Variants in THSD7A observed in about 807,000 individuals in gnomAD.
THSD7A encodes the protein thrombospondin type 1 domain containing 7A.
Under a neutral mutation model 231.3 loss-of-function variants are expected in THSD7A, and 96 were observed. The ratio of observed to expected loss-of-function variants is 0.41; its 90% CI spans 0.35 to 0.49. The LOEUF (loss-of-function observed/expected upper bound fraction) is 0.49. THSD7A is among the 20% of genes least tolerant of loss of function. The probability of loss-of-function intolerance (pLI) is 0.05; values close to 1 mark genes in which losing one functional copy is unlikely to be tolerated. For synonymous variants in THSD7A, 940 were observed against 743.3 expected, an observed-to-expected ratio of 1.26 and a Z score of -4.30; for missense variants, 2,290 against 2,070.2, an observed-to-expected ratio of 1.11 and a Z score of -2.06.
intron 22 of THSD7A, 27 bp from the exon 23 acceptor site, chr7:11,401,995 A>G: frequency 3.1e-6 from 5 of 1,592,014 alleles, no homozygotes; most frequent in Non-Finnish European, 4.3e-6. Flanking sequence ...TGTAATTTAC[A>G]CCCATATCCA....
chr7:11,456,459 A>C (rs1321224299), intron 11 of THSD7A, among the ~76,000 whole-genome samples: 1 of 151,994 alleles, frequency 6.6e-6, no homozygotes, highest in East Asian at 1.9e-4. Context: ...TACTTTCATA[A>C]CTATAAAATA....
intron 1 of THSD7A, among the ~76,000 whole-genome samples, chr7:11,758,744 TG>T (rs1782763564): frequency 6.6e-6 from 1 of 152,094 alleles, no homozygotes; most frequent in African/African-American, 2.4e-5. Context: ...ATGGATGATA[TG>T]GCTTAAACTA....
intron 6 of THSD7A, among the ~76,000 whole-genome samples, chr7:11,503,741 A>T (rs940802701): frequency 2.0e-5 from 3 of 152,258 alleles, no homozygotes; most frequent in African/African-American, 7.2e-5. Flanking sequence ...GAGAAATGCA[A>T]ATCAAAGCCA....
intron 6 of THSD7A, among the ~76,000 whole-genome samples, chr7:11,506,081 C>G (rs1195582987): frequency 6.6e-6 from 1 of 152,148 alleles, no homozygotes; most frequent in Non-Finnish European, 1.5e-5. Context: ...ATCCTCAGTA[C>G]ATGCAGATAA....
At chr7:11,577,455 T>C (rs1562737379) in intron 4 of THSD7A, among the ~76,000 whole-genome samples, 1 of 152,060 alleles carries the variant, frequency 6.6e-6, no homozygotes, top group Non-Finnish European at 1.5e-5. Flanking sequence ...TATCTGGGAC[T>C]ACAGGCATGT....
intron 1 of THSD7A, among the ~76,000 whole-genome samples, chr7:11,828,537 T>C (rs1785095994): frequency 6.6e-6 from 1 of 152,322 alleles, no homozygotes; most frequent in African/African-American, 2.4e-5. Context: ...TGTGTACTTA[T>C]AGTGTTGTTT....
At chr7:11,757,350 A>G (rs1222375759) in intron 1 of THSD7A, among the ~76,000 whole-genome samples, 1 of 152,064 alleles carries the variant, frequency 6.6e-6, no homozygotes, top group Non-Finnish European at 1.5e-5. Flanking sequence ...CAGCTTTTCC[A>G]AAACACCAAT....
chr7:11,549,679 A>G (rs917299687), intron 4 of THSD7A, among the ~76,000 whole-genome samples: 3 of 152,198 alleles, frequency 2.0e-5, no homozygotes, highest in African/African-American at 7.2e-5. Context: ...ACACAGGAAA[A>G]GAAAACCAAT....
intron 1 of THSD7A, among the ~76,000 whole-genome samples, chr7:11,705,870 A>T (rs1438681090): frequency 6.6e-6 from 1 of 150,988 alleles, no homozygotes; most frequent in African/African-American, 2.4e-5. Flanking sequence ...AACACCTATC[A>T]CAAAGAAGGC....
intron 1 of THSD7A, among the ~76,000 whole-genome samples, chr7:11,813,495 C>T (rs549247177): frequency 6.6e-5 from 10 of 152,038 alleles, no homozygotes; most frequent in Admixed American, 3.9e-4. Context: ...AGGCGGATCA[C>T]GAGGTCAGGA....
intron 6 of THSD7A, among the ~76,000 whole-genome samples, chr7:11,524,913 T>C (rs1206793435): frequency 1.3e-5 from 2 of 152,266 alleles, no homozygotes; most frequent in Admixed American, 1.3e-4. Flanking sequence ...TGAATTTGGC[T>C]ATATAATTAT....
chr7:11,397,034 A>G (rs1783213069), intron 23 of THSD7A, among the ~76,000 whole-genome samples: 1 of 152,214 alleles, frequency 6.6e-6, no homozygotes, highest in South Asian at 2.1e-4. Flanking sequence ...CAAAAACCAC[A>G]TGATTATCTC....
intron 1 of THSD7A, among the ~76,000 whole-genome samples, chr7:11,811,555 G>A (rs1423947729): frequency 6.6e-6 from 1 of 152,108 alleles, no homozygotes. Context: ...TTCATCATAT[G>A]CCCTAAGATA....
At chr7:11,541,929 G>C (rs1789167658) in intron 5 of THSD7A, among the ~76,000 whole-genome samples, 1 of 113,736 alleles carries the variant, frequency 8.8e-6, no homozygotes, top group Admixed American at 1.2e-4. Flanking sequence ...GGGCGTAGAG[G>C]AGTAGGGTGG....
chr7:11,539,195 G>A (rs1360724149), intron 6 of THSD7A, among the ~76,000 whole-genome samples: 1 of 152,092 alleles, frequency 6.6e-6, no homozygotes, highest in Non-Finnish European at 1.5e-5. Context: ...GATAATATGG[G>A]AGCAGTAGTT....
chr7:11,702,699 C>T lies in THSD7A; in HGVS notation c.191-65738G>A, dbSNP rs1456698537. 2.0e-5 allele frequency among the ~76,000 whole-genome samples: 3 copies of T among 151,134 alleles called. No individual in the cohort carries two copies. In the East Asian group the frequency reaches 5.9e-4, roughly 30 times the overall value. On this transcript the variant is annotated intron_variant, in intron 1 of 27. Coordinates refer to ENST00000423059, the MANE Select transcript of THSD7A (RefSeq NM_015204.3). The stretch of plus-strand genomic sequence containing the variant: ...CTTGGGGAGTCATTTTAGAATTCTA[C>T]CTGAGCAAATTAAATAATTATTTGT...
intron 1 of THSD7A, among the ~76,000 whole-genome samples, chr7:11,694,891 C>T (rs1410815215): frequency 6.6e-6 from 1 of 151,472 alleles, no homozygotes; most frequent in Non-Finnish European, 1.5e-5. Flanking sequence ...ATAAACGTAG[C>T]ATATCTCTTT....
rs557041902 is a variant in THSD7A, at chr7:11,461,880, G to A, written c.2501+131C>T. 17 of 1,186,764 alleles carry A rather than the reference G, an allele frequency of 1.4e-5. No individual in the cohort carries two copies. In the Admixed American group the frequency reaches 3.8e-4, roughly 27 times the overall value. 73.5% of individuals were successfully genotyped at this position (1,186,764 alleles called of 1,614,324 possible). A position where few individuals can be genotyped will look rare whatever the true frequency, so the allele number is the denominator to read the frequency against. On this transcript the variant is annotated intron_variant, in intron 10 of 27. Coordinates refer to ENST00000423059, the MANE Select transcript of THSD7A (RefSeq NM_015204.3). ...TGAAGAGACAAGAATGGCAGCTACAGCCATAAACATCCCAACTCCATTGAG... is the reference window on the plus strand; with the variant it reads ...TGAAGAGACAAGAATGGCAGCTACAACCATAAACATCCCAACTCCATTGAG...
rs142156527 is a variant in THSD7A at position 11,482,750 on chromosome 7, T to C, written c.1823-768A>G. 5.0e-3 allele frequency among the ~76,000 whole-genome samples: 761 copies of C among 152,320 alleles called. 11 individuals are homozygous for C. The highest frequency in any genetic ancestry group is 0.017 in the African/African-American group (704 of 41,568). On this transcript the variant is annotated intron_variant, in intron 6 of 27. Coordinates refer to ENST00000423059, the MANE Select transcript of THSD7A (RefSeq NM_015204.3). ...CCTCGCTGTGTTTCTCTTCCTAGCC[T>C]CATCTCACTTCACTCCCTCATTTTG...
Sources: allele counts gnomAD v4.1 joint callset (sites outside exome capture counted in the v4.1 genomes callset), GRCh38; gene constraint gnomAD v4.1.1; transcripts MANE v1.5; gene names NCBI Gene and HGNC (gene_info 2026-07-23, HGNC 2026-07-21).